Variants in DYM observed in about 807,000 individuals in gnomAD.
DYM encodes dyggve-Melchior-Clausen syndrome protein.
Under a neutral mutation model 93.1 loss-of-function variants are expected in DYM, and 78 were observed. The ratio of observed to expected loss-of-function variants is 0.84; its 90% confidence interval spans 0.70 to 1.01. The LOEUF (loss-of-function observed/expected upper bound fraction) is 1.01. Ranked by LOEUF, DYM falls within the 50% of genes least tolerant of loss-of-function variation. The pLI is 0.00. For missense variants in DYM, 789 were observed against 845.0 expected, an observed-to-expected ratio of 0.93 and a Z score of 0.82; for synonymous variants, 321 against 319.7, an observed-to-expected ratio of 1.00 and a Z score of -0.04.
rs2092682122 is a variant in DYM, at chr18:49,209,551, C to A, written c.1625G>T (p.Ser542Ile). Residue 542 changes from serine (S) to isoleucine (I), a missense_variant and splice_region_variant, in exon 14 of 18, where the codon AGT (serine) becomes ATT (isoleucine). Ser to Ile is a moderately radical substitution (Grantham distance 142, BLOSUM62 -2). Coordinates refer to ENST00000675505, the MANE Select transcript of DYM (RefSeq NM_001353214.3). ...CSHILRSYASSLFSLLSKKHN... is the reference protein window; with the variant it reads ...CSHILRSYASILFSLLSKKHN... ...TAAATGGACAGCAGAGGTTAATAACCTGGAAGCATAGGATCTGAGAATGTG... is the reference window on the plus strand; with the variant it reads ...TAAATGGACAGCAGAGGTTAATAACATGGAAGCATAGGATCTGAGAATGTG... 2.3e-6 allele frequency: 3 copies of A among 1,289,016 alleles called. No homozygotes were observed. The highest frequency in any genetic ancestry group is 3.0e-6 in the Non-Finnish European group (3 of 988,550). 79.8% of individuals were successfully genotyped at this position (1,289,016 alleles called of 1,614,324 possible).
At chr18:49,173,396 C>A (rs2088994684) in intron 14 of DYM, among the ~76,000 whole-genome samples, 1 of 152,058 alleles carries the variant, frequency 6.6e-6, no homozygotes, top group Admixed American at 6.6e-5. Flanking sequence ...ATTTCAGGAT[C>A]TTAACAATAC....
At chr18:49,165,758 T>A (rs2145127293) in intron 14 of DYM, among the ~76,000 whole-genome samples, 1 of 152,298 alleles carries the variant, frequency 6.6e-6, no homozygotes, top group Non-Finnish European at 1.5e-5. Flanking sequence ...ACTGGTTACA[T>A]GCTGAGGATA....
intron 15 of DYM, among the ~76,000 whole-genome samples, chr18:49,134,682 C>G (rs1006543305): frequency 2.0e-5 from 3 of 152,186 alleles, no homozygotes; most frequent in Non-Finnish European, 2.9e-5. Context: ...GTGCCAACAT[C>G]ATGACATGTA....
At chr18:49,085,754 C>A (rs778936393) in intron 17 of DYM, among the ~76,000 whole-genome samples, 9 of 151,746 alleles carry the variant, frequency 5.9e-5, no homozygotes, top group Non-Finnish European at 1.2e-4. Flanking sequence ...ATTATAGGCA[C>A]CTGCCACCGC....
chr18:49,291,240 GTT>G (rs2060092567), intron 8 of DYM, among the ~76,000 whole-genome samples: 3 of 152,128 alleles, frequency 2.0e-5, no homozygotes, highest in Non-Finnish European at 4.4e-5. Context: ...CAACTGAAAC[GTT>G]TTGTTTCTGC....
At chr18:49,310,267 A>C (rs1042849557) in intron 8 of DYM, among the ~76,000 whole-genome samples, 2 of 152,218 alleles carry the variant, frequency 1.3e-5, no homozygotes, top group African/African-American at 4.8e-5. Flanking sequence ...ACCTGAGTTC[A>C]GTGAATATTA....
intron 11 of DYM, among the ~76,000 whole-genome samples, chr18:49,263,714 G>C (rs892896118): frequency 3.9e-5 from 6 of 151,994 alleles, no homozygotes; most frequent in African/African-American, 1.4e-4. Flanking sequence ...GGGCAACAGA[G>C]TGAGATTCTG....
chr18:49,295,538 A>G (rs2060474796), intron 8 of DYM, among the ~76,000 whole-genome samples: 2 of 152,178 alleles, frequency 1.3e-5, no homozygotes, highest in African/African-American at 4.8e-5. Flanking sequence ...ATGTATGAGG[A>G]CACTGCAGGA....
At chr18:49,446,481 A>G (rs960771203) in intron 1 of DYM, among the ~76,000 whole-genome samples, 2 of 152,244 alleles carry the variant, frequency 1.3e-5, no homozygotes, top group Non-Finnish European at 2.9e-5. Flanking sequence ...TGATTCATAT[A>G]AACAATTCAA....
At chr18:49,409,726 A>G (rs774453021) in intron 2 of DYM, among the ~76,000 whole-genome samples, 2 of 152,242 alleles carry the variant, frequency 1.3e-5, no homozygotes, top group Non-Finnish European at 1.5e-5. Flanking sequence ...AATATATAAC[A>G]TGGACCATCT....
Position 49,257,062 on chromosome 18 carries a change from T to C in DYM, c.1408A>G (p.Met470Val), listed in dbSNP as rs1568116275. ...HTNCLAALANMSAQFRSLHQY... is the reference protein window; with the variant it reads ...HTNCLAALANVSAQFRSLHQY... ...TGGAGAGAACGAAACTGTGCCGACA[T>C]ATTTGCTAAAGCTGCCAAACAATTT... Residue 470 changes from methionine to valine, a missense_variant, in exon 13 of 18, where the codon ATG becomes GTG. By Grantham distance (21) the Met-to-Val change is conservative. This residue lies in a region of DYM where 225 missense variants were observed against 303.0 expected (regional missense o/e 0.74). Transcript: ENST00000675505. 2.5e-6 allele frequency: 4 copies of C among 1,613,934 alleles called. No individual in the cohort carries two copies. The highest frequency in any genetic ancestry group is 3.4e-6 in the Non-Finnish European group (4 of 1,179,938).
intron 2 of DYM, among the ~76,000 whole-genome samples, chr18:49,407,255 T>C (rs2071607320): frequency 2.0e-5 from 3 of 152,124 alleles, no homozygotes; most frequent in Non-Finnish European, 4.4e-5. Flanking sequence ...TGATCATGGT[T>C]GGTTACATAA....
At chr18:49,080,495 G>A (rs1209566088) in intron 17 of DYM, among the ~76,000 whole-genome samples, 9 of 144,818 alleles carry the variant, frequency 6.2e-5, no homozygotes, top group African/African-American at 1.0e-4. Flanking sequence ...CGGACGGGGC[G>A]GCTGGCCGGG....
chr18:49,458,006 T>A (rs2083148981), intron 1 of DYM, among the ~76,000 whole-genome samples: 1 of 152,186 alleles, frequency 6.6e-6, no homozygotes. Context: ...AACACAGCCT[T>A]GTTGACAGCC....
intron 8 of DYM, among the ~76,000 whole-genome samples, chr18:49,316,209 G>C (rs1025308980): frequency 1.3e-5 from 2 of 152,174 alleles, no homozygotes; most frequent in African/African-American, 4.8e-5. Flanking sequence ...TTGAACCTGG[G>C]AGGCGGAGGT....
At position 49,040,251 on chromosome 18, in the gene DYM, G is replaced by A. The variant is rs1400888989; in HGVS notation, c.*3804C>T. 2.0e-5 allele frequency among the ~76,000 whole-genome samples: 3 copies of A among 152,190 alleles called. No homozygotes were observed. The highest frequency in any genetic ancestry group is 4.8e-5 in the African/African-American group (2 of 41,438). The stretch of plus-strand genomic sequence containing the variant: ...AGTATTACTTGTCCAGTTCTATGGG[G>A]CTGCTTTTCCTCTGGGGGATTTTGC... On this transcript the variant is annotated 3_prime_UTR_variant, in exon 18 of 18. Transcript: ENST00000675505.
At chr18:49,455,708 T>G (rs2082922713) in intron 1 of DYM, among the ~76,000 whole-genome samples, 1 of 152,190 alleles carries the variant, frequency 6.6e-6, no homozygotes, top group East Asian at 1.9e-4. Context: ...TCCCAGCACT[T>G]TGGGAGGCCG....
intron 1 of DYM, among the ~76,000 whole-genome samples, chr18:49,439,149 G>A (rs1194898924): frequency 6.6e-6 from 1 of 152,128 alleles, no homozygotes; most frequent in East Asian, 1.9e-4. Flanking sequence ...AGCCAGTTCT[G>A]TTGATATCTC....
At chr18:49,171,497 G>C (rs1015932900) in intron 14 of DYM, among the ~76,000 whole-genome samples, 1 of 152,040 alleles carries the variant, frequency 6.6e-6, no homozygotes, top group African/African-American at 2.4e-5. Context: ...TGCTTGACCC[G>C]TGATCAAATT....
Sources: gnomAD v4.1 joint callset for allele counts (sites outside exome capture counted in the v4.1 genomes callset) on GRCh38, gnomAD v4.1.1 for gene constraint, gnomAD v4.1.1 regional missense constraint, MANE v1.5 for transcripts, NCBI Gene and HGNC (gene_info 2026-07-23, HGNC 2026-07-21) for gene names.